LARP1B: variants seen among roughly 807,000 people sequenced by gnomAD.
The protein encoded by LARP1B is La ribonucleoprotein 1B, also known as la-related protein 1B.
In LARP1B, 76 loss-of-function variants were observed where a neutral mutation model predicts 114.2. That is an observed-to-expected ratio of 0.67 (90% CI 0.55 to 0.81). LARP1B has a LOEUF of 0.81. Ranked by LOEUF, LARP1B falls within the 30% of genes least tolerant of loss-of-function variation. The probability of loss-of-function intolerance (pLI) is 0.00; values close to 1 mark genes in which losing one functional copy is unlikely to be tolerated. For missense variants in LARP1B, 1,014 were observed against 1,075.8 expected, an observed-to-expected ratio of 0.94 and a Z score of 0.80; for synonymous variants, 345 against 348.0, an observed-to-expected ratio of 0.99 and a Z score of 0.10.
chr4:128,170,272 G>C (rs1742997619), intron 12 of LARP1B, among the ~76,000 whole-genome samples: 1 of 151,998 alleles, frequency 6.6e-6, no homozygotes. Context: ...GTCTGTCTTG[G>C]TGAATATGCC....
intron 1 of LARP1B, among the ~76,000 whole-genome samples, chr4:128,067,302 C>T (rs969320114): frequency 6.6e-6 from 1 of 152,100 alleles, no homozygotes; most frequent in Admixed American, 6.6e-5. Flanking sequence ...AAATAACAGA[C>T]TTAAATCAGG....
chr4:128,105,986 A>G (rs535676851), intron 8 of LARP1B, among the ~76,000 whole-genome samples: 1 of 152,236 alleles, frequency 6.6e-6, no homozygotes, highest in South Asian at 2.1e-4. Flanking sequence ...GAGCAAGAGT[A>G]GGTTCTTTTT....
chr4:128,109,839 CA>C (rs113279807), intron 9 of LARP1B, among the ~76,000 whole-genome samples: 2,757 of 146,074 alleles, frequency 0.019, 85 homozygotes, highest in African/African-American at 0.065. Flanking sequence ...TCCCAAGGTA[CA>C]AAAAAAAAAT....
At chr4:128,217,758 G>A (rs1197207878) in intron 6 of LARP1B, among the ~76,000 whole-genome samples, 126 of 112,698 alleles carry the variant, frequency 1.1e-3, no homozygotes, top group African/African-American at 4.0e-3. Context: ...CTCTCTCACC[G>A]CTCCTATTCA....
intron 11 of LARP1B, among the ~76,000 whole-genome samples, chr4:128,159,906 G>C (rs140660403): frequency 6.6e-6 from 1 of 152,144 alleles, no homozygotes; most frequent in Non-Finnish European, 1.5e-5. Context: ...AGAAGTTTTT[G>C]TAAAAACGTA....
At chr4:128,092,741 A>C in intron 7 of LARP1B, 3 of 985,310 alleles carry the variant, frequency 3.0e-6, no homozygotes, top group Non-Finnish European at 3.6e-6. Flanking sequence ...AGTGTGGAGC[A>C]ACTTGTTTAT....
chr4:128,152,456 C>A (rs1733285732), intron 11 of LARP1B, among the ~76,000 whole-genome samples: 1 of 152,020 alleles, frequency 6.6e-6, no homozygotes. Context: ...CCTGCCTCGG[C>A]CTCCCAAAGT....
At chr4:128,189,952 A>G (rs1424413494) in intron 15 of LARP1B, among the ~76,000 whole-genome samples, 2 of 152,248 alleles carry the variant, frequency 1.3e-5, no homozygotes, top group South Asian at 2.1e-4. Context: ...TATTAGAGAT[A>G]TGAATGGATT....
chr4:128,090,182 C>T (rs983496268), intron 5 of LARP1B, among the ~76,000 whole-genome samples: 2 of 151,470 alleles, frequency 1.3e-5, no homozygotes, highest in Admixed American at 6.6e-5. Flanking sequence ...AAGTGATTCT[C>T]CTCCTTCAGC....
intron 11 of LARP1B, among the ~76,000 whole-genome samples, chr4:128,150,290 TTC>T (rs1419977242): frequency 4.3e-5 from 6 of 138,976 alleles, no homozygotes; most frequent in Non-Finnish European, 7.6e-5. Context: ...TTTAATTTTT[TTC>T]TTTTTTTTTT....
chr4:128,171,266 C>T (rs1743581553), intron 12 of LARP1B, among the ~76,000 whole-genome samples: 1 of 151,992 alleles, frequency 6.6e-6, no homozygotes, highest in Non-Finnish European at 1.5e-5. Flanking sequence ...GTAGGTCGGA[C>T]TACAGGTGCA....
chr4:128,203,711 G>T (rs935632392), intron 17 of LARP1B, among the ~76,000 whole-genome samples: 2 of 152,140 alleles, frequency 1.3e-5, no homozygotes, highest in African/African-American at 4.8e-5. Flanking sequence ...TACTAATTCT[G>T]TCCATTGGTT....
At chr4:128,137,606 TATGGGATAC>T (rs1725931805) in intron 11 of LARP1B, among the ~76,000 whole-genome samples, 2 of 152,008 alleles carry the variant, frequency 1.3e-5, no homozygotes, top group Admixed American at 6.6e-5. Flanking sequence ...TGTATATATT[TATGGGATAC>T]ATGTGATATT....
In LARP1B at chr4:128,094,280, A is replaced by G. The variant is rs190494968; in HGVS notation, c.668+2768A>G. ...TGTATTAATTGTTTGTGATGTCAGC[A>G]TTAAAATGTAAAGATCTTGATTATT... On this transcript the variant is annotated intron_variant, in intron 7 of 19. Coordinates refer to ENST00000326639, the MANE Select transcript of LARP1B (RefSeq NM_018078.4). 3.3e-3 allele frequency among the ~76,000 whole-genome samples: 500 copies of G among 152,146 alleles called. 1 individual carries two copies. Among genetic ancestry groups the G allele is most frequent in the Non-Finnish European group, 5.7e-3 (389 of 68,016 alleles).
At chr4:128,098,765 ATAT>A (rs1323398485) in intron 8 of LARP1B, among the ~76,000 whole-genome samples, 2 of 32,840 alleles carry the variant, frequency 6.1e-5, no homozygotes, top group Admixed American at 4.3e-4. Context: ...ATATATATAT[ATAT>A]TTTTTTTTTT....
intron 9 of LARP1B, chr4:128,108,302 G>A (rs1782781975): frequency 2.0e-6 from 2 of 1,023,486 alleles, no homozygotes; most frequent in Non-Finnish European, 2.3e-6. Context: ...GGATTGAGTA[G>A]CATTTCCCAG....
intron 9 of LARP1B, chr4:128,108,547 A>G (rs760223471): frequency 6.5e-5 from 64 of 985,678 alleles, no homozygotes; most frequent in African/African-American, 1.7e-4. Flanking sequence ...ACAGTCTCAC[A>G]CTATTTTTAT....
At chr4:128,108,567 C>T in intron 9 of LARP1B, 2 of 985,566 alleles carry the variant, frequency 2.0e-6, no homozygotes. Context: ...TCATATGTTT[C>T]TTTGTCAGCC....
chr4:128,163,093 C>T (rs1466193585), intron 12 of LARP1B, among the ~76,000 whole-genome samples: 1 of 152,026 alleles, frequency 6.6e-6, no homozygotes, highest in Non-Finnish European at 1.5e-5. Context: ...CCTCATTCAT[C>T]ACTTTTTTTT....
Sources: gnomAD v4.1 joint callset for allele counts (sites outside exome capture counted in the v4.1 genomes callset) on GRCh38, gnomAD v4.1.1 for gene constraint, MANE v1.5 for transcripts, NCBI Gene and HGNC (gene_info 2026-07-23, HGNC 2026-07-21) for gene names.